Variants in P4HA3 observed in about 807,000 individuals in gnomAD.
P4HA3 encodes prolyl 4-hydroxylase subunit alpha-3.
Under a neutral mutation model 66.7 loss-of-function variants are expected in P4HA3, and 60 were observed. That is an observed-to-expected ratio of 0.90 (90% CI 0.73 to 1.12). The LOEUF (loss-of-function observed/expected upper bound fraction) is 1.12, where lower values mean the gene tolerates loss of function less well. Among genes scored for constraint, P4HA3 ranks in the 50% most tolerant of loss-of-function variants. The pLI, the probability that P4HA3 is intolerant of heterozygous loss-of-function variation, is 0.00. For missense variants in P4HA3, 683 were observed against 685.8 expected, an observed-to-expected ratio of 1.00 and a Z score of 0.05; for synonymous variants, 263 against 274.6, an observed-to-expected ratio of 0.96 and a Z score of 0.42.
At position 74,291,558 on chromosome 11, in the gene P4HA3, TTCAG is replaced by T. The variant is rs530161679; in HGVS notation, c.718-2432_718-2429del. ...AGGGAATGCTTCCAGTTTTTGCCCA[TTCAG>T]TATGATATTGGCTGTGGATTTGTCA... On this transcript the variant is annotated intron_variant, in intron 4 of 12. Coordinates refer to ENST00000331597, the MANE Select transcript of P4HA3 (RefSeq NM_182904.5). 1.1e-4 allele frequency among the ~76,000 whole-genome samples: 17 copies of T among 152,376 alleles called. No individual in the cohort carries two copies. In the South Asian group the frequency reaches 3.5e-3, roughly 32 times the overall value.
intron 1 of P4HA3, among the ~76,000 whole-genome samples, chr11:74,305,861 G>T (rs1861565067): frequency 6.6e-6 from 1 of 152,112 alleles, no homozygotes; most frequent in South Asian, 2.1e-4. Context: ...AATAATCTTG[G>T]TCTCAAGGAT....
intron 15 of P4HA3, chr11:74,252,623 C>A: frequency 2.3e-6 from 1 of 441,190 alleles, no homozygotes; most frequent in Non-Finnish European, 4.6e-6. Flanking sequence ...GGGGACTGTC[C>A]TGTGCATTGT....
rs372654633 is a variant in P4HA3, at chr11:74,273,546, T to C, written c.1397A>G (p.Tyr466Cys). 2 of 1,551,606 alleles carry C rather than the reference T, an allele frequency of 1.3e-6. No homozygotes were observed. Among genetic ancestry groups the C allele is most frequent in the Non-Finnish European group, 1.7e-6 (2 of 1,151,578 alleles). Residue 466 changes from tyrosine (Y) to cysteine (C), a missense_variant and splice_region_variant, in exon 10 of 13, where the codon TAT (tyrosine) becomes TGT (cysteine). By Grantham distance (194) the Tyr-to-Cys change is radical. Coordinates refer to ENST00000331597, the MANE Select transcript of P4HA3 (RefSeq NM_182904.5). ...TAAGAAGCCCAGAGCAATACTCACA[T>C]AGATCATAAATGTTGCAACTCGGTT... ...SGNRVATFMI[Y>C]LSSVEAGGAT...
intron 15 of P4HA3, chr11:74,251,221 T>G: frequency 7.1e-7 from 1 of 1,409,832 alleles, no homozygotes; most frequent in East Asian, 2.5e-5. Context: ...GAGGAGCTAC[T>G]GACACTCTGC....
chr11:74,306,528 GT>G (rs1378240465), intron 1 of P4HA3, among the ~76,000 whole-genome samples: 1 of 152,166 alleles, frequency 6.6e-6, no homozygotes, highest in East Asian at 1.9e-4. Context: ...AGAAAAAAAA[GT>G]TTGTGCAAAG....
downstream of P4HA3, among the ~76,000 whole-genome samples, chr11:74,265,687 C>A (rs1859979929): frequency 6.6e-6 from 1 of 152,212 alleles, no homozygotes; most frequent in Non-Finnish European, 1.5e-5. Flanking sequence ...CAGAGCACAG[C>A]TCAAAGGAAG....
intron 11 of P4HA3, among the ~76,000 whole-genome samples, chr11:74,268,771 A>C (rs1860084257): frequency 1.3e-5 from 2 of 152,212 alleles, no homozygotes; most frequent in Admixed American, 1.3e-4. Context: ...TAATGCAATA[A>C]AAGAAGGAGC....
chr11:74,272,422 T>A (rs891475140), intron 10 of P4HA3, among the ~76,000 whole-genome samples: 4 of 152,112 alleles, frequency 2.6e-5, no homozygotes, highest in African/African-American at 9.7e-5. Context: ...GTTTGTGACC[T>A]CCCATAACAG....
At chr11:74,303,292 CTTTT>C (rs779313817) in intron 2 of P4HA3, among the ~76,000 whole-genome samples, 2 of 123,220 alleles carry the variant, frequency 1.6e-5, no homozygotes. Context: ...CAACAAACTT[CTTTT>C]TTTTTTTTTT....
intron 4 of P4HA3, among the ~76,000 whole-genome samples, chr11:74,297,787 T>A (rs1246781020): frequency 6.6e-6 from 1 of 152,190 alleles, no homozygotes; most frequent in Non-Finnish European, 1.5e-5. Context: ...AACTTCTTTG[T>A]CCATGGCAAT....
intron 9 of P4HA3, among the ~76,000 whole-genome samples, chr11:74,274,592 C>T (rs141989642): frequency 0.028 from 4,251 of 152,158 alleles, 83 homozygotes; most frequent in Non-Finnish European, 0.042. Flanking sequence ...GGATTACAGG[C>T]ATGAGCCACC....
rs372099518 is a variant in P4HA3, at chr11:74,271,802, T to C, written c.1398+1743A>G. 9.2e-5 allele frequency among the ~76,000 whole-genome samples: 14 copies of C among 152,312 alleles called. No homozygotes were observed. In the East Asian group the frequency reaches 2.1e-3, roughly 23 times the overall value. On this transcript the variant is annotated intron_variant, in intron 10 of 12. Coordinates refer to ENST00000331597, the MANE Select transcript of P4HA3 (RefSeq NM_182904.5). ...AAACCTTAACATTTGTCTTGAGAAA[T>C]GTTTGTCTTGAAATTGTCTCGAGAA... is the stretch of plus-strand genomic sequence containing the variant.
At chr11:74,251,253 G>A in intron 15 of P4HA3, 6 of 1,381,206 alleles carry the variant, frequency 4.3e-6, no homozygotes, top group Non-Finnish European at 5.6e-6. Context: ...AGGGCCCTGT[G>A]GTTAAGATCT....
chr11:74,270,717 T>C (rs1347048659), intron 10 of P4HA3, among the ~76,000 whole-genome samples: 1 of 152,222 alleles, frequency 6.6e-6, no homozygotes, highest in African/African-American at 2.4e-5. Flanking sequence ...AAGCACTTTA[T>C]AAAAGGTCAC....
chr11:74,264,722 C>T (rs1859962743), downstream of P4HA3, among the ~76,000 whole-genome samples: 2 of 152,228 alleles, frequency 1.3e-5, no homozygotes, highest in Admixed American at 1.3e-4. Flanking sequence ...TGGTAGTTCA[C>T]CTCTTTCTGC....
At chr11:74,252,146 G>A in intron 15 of P4HA3, among the ~76,000 whole-genome samples, 1 of 137,254 alleles carries the variant, frequency 7.3e-6, no homozygotes, top group East Asian at 2.1e-4. Flanking sequence ...TTGGTTCACT[G>A]CAACCTCTGC....
At position 74,285,866 on chromosome 11, in the gene P4HA3, G is replaced by A. The variant is rs1486027011; in HGVS notation, c.1053C>T (p.Tyr351=). 1 of 1,614,138 alleles carries A rather than the reference G, an allele frequency of 6.2e-7. No homozygotes were observed. Among genetic ancestry groups the A allele is most frequent in the Non-Finnish European group, 8.5e-7 (1 of 1,179,978 alleles). ...VIHLEPYIAL[Y]HDFVSDSEAQ... ...CCTCTGAGTCACTGACGAAGTCATG[G>A]TAGAGAGCAATGTAGGGCTCCAGGT... The change falls in exon 7 of 13, where the codon TAC becomes TAT. Residue 351 remains tyrosine, a synonymous_variant. Coordinates refer to ENST00000331597, the MANE Select transcript of P4HA3 (RefSeq NM_182904.5).
intron 3 of P4HA3, among the ~76,000 whole-genome samples, chr11:74,300,339 T>G (rs1861366682): frequency 6.6e-6 from 1 of 152,148 alleles, no homozygotes; most frequent in African/African-American, 2.4e-5. Flanking sequence ...ATTAAGAATT[T>G]CAGAAGATAG....
At chr11:74,263,823 T>A (rs1383498100), downstream of P4HA3, among the ~76,000 whole-genome samples, 1 of 152,096 alleles carries the variant, frequency 6.6e-6, no homozygotes, top group East Asian at 1.9e-4. Flanking sequence ...CACAGAACAG[T>A]GCAAGAAAGA....
Sources: allele counts gnomAD v4.1 joint callset (sites outside exome capture counted in the v4.1 genomes callset), GRCh38; gene constraint gnomAD v4.1.1; transcripts MANE v1.5; gene names NCBI Gene and HGNC (gene_info 2026-07-23, HGNC 2026-07-21).